The following PEDS1 variants were observed in gnomAD, a reference collection of about 807,000 sequenced individuals.
The protein encoded by PEDS1 is CarF homolog.
A neutral mutation model predicts 35.2 loss-of-function variants in PEDS1; 14 were observed. The ratio of observed to expected loss-of-function variants is 0.40; its 90% CI spans 0.26 to 0.62. The LOEUF (loss-of-function observed/expected upper bound fraction) is 0.62, where lower values mean the gene tolerates loss of function less well. PEDS1 is among the 20% of genes least tolerant of loss of function. The pLI is 0.44. For missense variants in PEDS1, 260 were observed against 367.8 expected (o/e 0.71, Z 2.40); for synonymous variants, 152 against 152.0 (o/e 1.00, Z 0.00).
rs540892444 is a variant in PEDS1 at position 50,131,499 on chromosome 20, G to A, written c.242-552C>T. 2.6e-5 allele frequency among the ~76,000 whole-genome samples: 4 copies of A among 152,016 alleles called. No homozygotes were observed. The South Asian group carries it at 8.3e-4, about 32-fold the overall frequency. ...TAGCCAGGTGTGGTGGCATGCGCCTGTAGTCTCAACTACTCGGGAAGCTGA... is the reference window on the plus strand; with the variant it reads ...TAGCCAGGTGTGGTGGCATGCGCCTATAGTCTCAACTACTCGGGAAGCTGA... On this transcript the variant is annotated intron_variant, in intron 2 of 5. Coordinates refer to ENST00000371652, the MANE Select transcript of PEDS1 (RefSeq NM_199129.4).
At chr20:50,135,242 A>T (rs2081221593) in intron 2 of PEDS1, among the ~76,000 whole-genome samples, 1 of 152,198 alleles carries the variant, frequency 6.6e-6, no homozygotes. Context: ...AGGCCAAGGC[A>T]GTCTCCACTG....
At chr20:50,146,526 G>A (rs1473495245) in intron 1 of PEDS1, among the ~76,000 whole-genome samples, 1 of 152,156 alleles carries the variant, frequency 6.6e-6, no homozygotes, top group African/African-American at 2.4e-5. Flanking sequence ...ACCTTGGGAA[G>A]GAAGTACTGG....
In PEDS1 at chr20:50,125,145, G is replaced by A. The variant is rs1459737832; in HGVS notation, c.726C>T (p.Phe242=). ...WLNYPLEKIG[F]WRRLEDLIQG... is the part of the protein sequence containing the mutation. The stretch of plus-strand genomic sequence containing the variant: ...GGATGAGGTCCTCCAGGCGTCGCCA[G>A]AAGCCTATCTTCTCCAGAGGGTAGT... Residue 242 remains phenylalanine, a synonymous_variant, in exon 6 of 6, where the codon TTC becomes TTT. Coordinates refer to ENST00000371652, the MANE Select transcript of PEDS1 (RefSeq NM_199129.4). 6.2e-7 allele frequency: 1 copy of A among 1,614,186 alleles called. No homozygotes were observed. The highest frequency in any genetic ancestry group is 1.7e-5 in the Admixed American group (1 of 60,024).
chr20:50,134,774 G>T (rs561302716), intron 2 of PEDS1, among the ~76,000 whole-genome samples: 1 of 152,280 alleles, frequency 6.6e-6, no homozygotes, highest in South Asian at 2.1e-4. Flanking sequence ...AAGGCCATAG[G>T]CCTTACACAG....
At position 50,123,064 on chromosome 20, in the gene PEDS1, G is replaced by C. The variant is rs1404327034; in HGVS notation, c.*1994C>G. ...ACACCTCACCTCTGCACTTTAGCCT[G>C]GGTGACAGAGCATGACCCTGTCTCT... On this transcript the variant is annotated 3_prime_UTR_variant, in exon 6 of 6. Coordinates refer to ENST00000371652, the MANE Select transcript of PEDS1 (RefSeq NM_199129.4). 1 of 152,132 alleles carries C rather than the reference G, an allele frequency of 6.6e-6. No homozygotes were observed. The highest frequency in any genetic ancestry group is 2.4e-5 in the African/African-American group (1 of 41,388). 9.4% of individuals were successfully genotyped at this position (152,132 alleles called of 1,614,324 possible). A position where few individuals can be genotyped will look rare whatever the true frequency, so the allele number is the denominator to read the frequency against.
intron 2 of PEDS1, among the ~76,000 whole-genome samples, chr20:50,139,287 G>A (rs1230332081): frequency 6.6e-6 from 1 of 151,994 alleles, no homozygotes; most frequent in African/African-American, 2.4e-5. Context: ...TTCTCCACGT[G>A]GAACAAAAGC....
At chr20:50,142,327 T>C (rs1211553762) in intron 2 of PEDS1, among the ~76,000 whole-genome samples, 1 of 152,214 alleles carries the variant, frequency 6.6e-6, no homozygotes, top group Non-Finnish European at 1.5e-5. Context: ...CAAAAATCTC[T>C]GCTCTCAGAG....
Position 50,130,883 on chromosome 20 carries a change from G to A in PEDS1, c.306C>T (p.Gly102=), listed in dbSNP as rs1273346664. 5 of 1,614,094 alleles carry A rather than the reference G, an allele frequency of 3.1e-6. No homozygotes were observed. The African/African-American group carries it at 4.0e-5, about 13-fold the overall frequency. The stretch of plus-strand genomic sequence containing the variant: ...TCCCCACAATGGGCAGCTCCACAGA[G>A]CCCCATGTGTCAGCACCCCAGTGTA... ...GLVHWGADTW[G]SVELPIVGKA... The change falls in exon 3 of 6, where the codon GGC becomes GGT. Residue 102 remains glycine, a synonymous_variant. Transcript: ENST00000371652.
At chr20:50,137,387 A>G (rs918841902) in intron 2 of PEDS1, among the ~76,000 whole-genome samples, 1 of 152,190 alleles carries the variant, frequency 6.6e-6, no homozygotes, top group African/African-American at 2.4e-5. Context: ...TACCTTAGTC[A>G]TGGGATCAGA....
At chr20:50,126,931 T>C (rs1440815995) in intron 5 of PEDS1, among the ~76,000 whole-genome samples, 1 of 152,142 alleles carries the variant, frequency 6.6e-6, no homozygotes, top group Non-Finnish European at 1.5e-5. Context: ...CTCCTCCCTC[T>C]TCAGTTGCTC....
intron 2 of PEDS1, among the ~76,000 whole-genome samples, chr20:50,133,138 GGTGA>G (rs2081196910): frequency 1.3e-5 from 2 of 152,170 alleles, no homozygotes; most frequent in South Asian, 4.1e-4. Context: ...ATGCCTCCTG[GGTGA>G]GTGAGACTTG....
chr20:50,132,011 C>T (rs55757919), intron 2 of PEDS1, among the ~76,000 whole-genome samples: 34,215 of 152,088 alleles, frequency 0.22, 3,967 homozygotes, highest in Admixed American at 0.31. Flanking sequence ...CGAGACTAGC[C>T]TGGCCAACAT....
rs749906057 is a variant in PEDS1 at position 50,127,999 on chromosome 20, C to T, written c.667G>A (p.Glu223Lys). 11 of 1,614,014 alleles carry T rather than the reference C, an allele frequency of 6.8e-6. No homozygotes were observed. Among genetic ancestry groups the T allele is most frequent in the South Asian group, 1.1e-5 (1 of 91,058 alleles). The change falls in exon 5 of 6, where the codon GAG (glutamate) becomes AAG (lysine). Residue 223 changes from glutamate (E) to lysine (K), a missense_variant. By Grantham distance (56) the Glu-to-Lys change is moderately conservative. Around this residue, in one of 4 missense-constraint regions of PEDS1, gnomAD observed 83 missense variants for 142.8 expected, o/e 0.58. Transcript: ENST00000371652. ...CCTGTGGTGATGCAGAAGTAGGTCT[C>T]GTGGGGTGAGACGTGGTGGATGCGA... ...HHRIHHVSPH[E>K]TYFCITTGWL... is the part of the protein sequence containing the mutation.
At position 50,129,638 on chromosome 20, in the gene PEDS1, C is replaced by A. The variant is rs780042615; in HGVS notation, c.386G>T (p.Arg129Leu). 6.2e-7 allele frequency: 1 copy of A among 1,613,920 alleles called. No individual in the cohort carries two copies. Among genetic ancestry groups the A allele is most frequent in the Non-Finnish European group, 8.5e-7 (1 of 1,180,022 alleles). The change falls in exon 4 of 6, where the codon CGG becomes CTG. Residue 129 changes from arginine (R) to leucine (L), a missense_variant. Arg to Leu is a moderately radical substitution (Grantham distance 102, BLOSUM62 -2). Coordinates refer to ENST00000371652, the MANE Select transcript of PEDS1 (RefSeq NM_199129.4). This position sits in a 1 kb window ranked among gnomAD's most constrained non-coding sequence, Gnocchi z 4.2. Reference sequence around the variant, plus strand: ...CCCGTTGGTCTCGATGAAGTCGTGCCGTGTGATAGCTGTCGGGTCAATGTG... The same window carrying A: ...CCCGTTGGTCTCGATGAAGTCGTGCAGTGTGATAGCTGTCGGGTCAATGTG... ...EHHIDPTAITRHDFIETNGDN... is the reference protein window; with the variant it reads ...EHHIDPTAITLHDFIETNGDN...
Position 50,122,242 on chromosome 20 carries a change from T to A in PEDS1, c.*2816A>T, listed in dbSNP as rs2081057488. The A allele has an allele frequency of 6.6e-6, 1 of 152,212 alleles. No homozygotes were observed. The highest frequency in any genetic ancestry group is 2.4e-5 in the African/African-American group (1 of 41,452). 9.4% of individuals were successfully genotyped at this position (152,212 alleles called of 1,614,324 possible). The stretch of plus-strand genomic sequence containing the variant: ...CTTAATTCAGAACACCTGTAGACTT[T>A]TCCGTTTTATGAGCTAATACGATTA... On this transcript the variant is annotated 3_prime_UTR_variant, in exon 6 of 6. Transcript: ENST00000371652.
intron 1 of PEDS1, 139 bp from the exon 2 acceptor site, chr20:50,143,760 C>T: frequency 7.1e-7 from 1 of 1,398,820 alleles, no homozygotes; most frequent in Non-Finnish European, 9.4e-7. Flanking sequence ...TGCAGTGGTG[C>T]CATCTCGGCT....
chr20:50,143,344 A>C (rs905567875), intron 2 of PEDS1, among the ~76,000 whole-genome samples, 158 bp downstream of exon 2: 4 of 152,100 alleles, frequency 2.6e-5, no homozygotes, highest in African/African-American at 9.7e-5. Flanking sequence ...GGCTGCAGGG[A>C]GGTGCTGCTG....
At chr20:50,148,638 C>T (rs1282734130) in intron 1 of PEDS1, among the ~76,000 whole-genome samples, 1 of 152,154 alleles carries the variant, frequency 6.6e-6, no homozygotes, top group East Asian at 1.9e-4. Context: ...GGGCCCAACT[C>T]TTCTGGTTCC....
At chr20:50,132,916 G>A (rs1239933494) in intron 2 of PEDS1, among the ~76,000 whole-genome samples, 1 of 152,158 alleles carries the variant, frequency 6.6e-6, no homozygotes, top group African/African-American at 2.4e-5. Flanking sequence ...ATGGGGAAAC[G>A]CTGTAAAGTC....
Sources: gnomAD v4.1 joint callset for allele counts (sites outside exome capture counted in the v4.1 genomes callset) on GRCh38, gnomAD v4.1.1 for gene constraint, gnomAD v4.1.1 regional missense constraint, Gnocchi (gnomAD v3.1) non-coding constraint, MANE v1.5 for transcripts, NCBI Gene and HGNC (gene_info 2026-07-23, HGNC 2026-07-21) for gene names.